The following OSBPL10 variants were observed in gnomAD, a reference collection of about 807,000 sequenced individuals.
OSBPL10 encodes oxysterol-binding protein-related protein 10.
A neutral mutation model predicts 81.7 loss-of-function variants in OSBPL10; 49 were observed. The ratio of observed to expected loss-of-function variants is 0.60; its 90% CI spans 0.48 to 0.76. The LOEUF is 0.76. OSBPL10 is among the 30% of genes least tolerant of loss of function. The pLI is 0.00. For synonymous variants in OSBPL10, 419 were observed against 383.6 expected (o/e 1.09, Z -1.08); for missense variants, 923 against 987.8 (o/e 0.93, Z 0.88).
At chr3:31,816,406 T>C (rs984169455) in intron 4 of OSBPL10, among the ~76,000 whole-genome samples, 1 of 152,210 alleles carries the variant, frequency 6.6e-6, no homozygotes, top group African/African-American at 2.4e-5. Context: ...TGACAGGTGA[T>C]AGTCAGGCTC....
intron 4 of OSBPL10, among the ~76,000 whole-genome samples, chr3:31,770,361 T>A (rs1214615945): frequency 6.6e-6 from 1 of 152,190 alleles, no homozygotes; most frequent in African/African-American, 2.4e-5. Context: ...ATAGCCCATT[T>A]CTTAAGCATT....
At chr3:31,737,456 C>T (rs1559441232) in intron 5 of OSBPL10, among the ~76,000 whole-genome samples, 1 of 151,942 alleles carries the variant, frequency 6.6e-6, no homozygotes, top group Non-Finnish European at 1.5e-5. Flanking sequence ...GACAAAGCAC[C>T]CTCTATGAAA....
intron 2 of OSBPL10, among the ~76,000 whole-genome samples, chr3:31,877,203 C>T (rs970726575): frequency 6.6e-6 from 1 of 152,196 alleles, no homozygotes; most frequent in Non-Finnish European, 1.5e-5. Context: ...TGCACCCGGC[C>T]TCAAAGGGCA....
At chr3:31,912,131 C>T (rs1575611694) in intron 1 of OSBPL10, among the ~76,000 whole-genome samples, 1 of 151,698 alleles carries the variant, frequency 6.6e-6, no homozygotes, top group African/African-American at 2.4e-5. Flanking sequence ...CGCAGTGGCT[C>T]ACGCCTGTAA....
At chr3:32,012,922 G>C (rs1416672074) in intron 2 of OSBPL10, among the ~76,000 whole-genome samples, 3 of 151,490 alleles carry the variant, frequency 2.0e-5, no homozygotes, top group African/African-American at 7.3e-5. Flanking sequence ...ACCCAATACA[G>C]GAGCACCCAG....
At chr3:31,765,238 A>G (rs1322384387) in intron 4 of OSBPL10, among the ~76,000 whole-genome samples, 2 of 151,312 alleles carry the variant, frequency 1.3e-5, no homozygotes, top group African/African-American at 2.4e-5. Flanking sequence ...TGATTTCACC[A>G]CGTTATCCAG....
intron 7 of OSBPL10, among the ~76,000 whole-genome samples, chr3:31,696,146 C>G (rs1695714709): frequency 6.6e-6 from 1 of 152,078 alleles, no homozygotes. Context: ...GTCTGCACCC[C>G]TCTCTCTGCC....
chr3:31,813,835 C>T (rs554745713), intron 4 of OSBPL10, among the ~76,000 whole-genome samples: 2 of 152,262 alleles, frequency 1.3e-5, no homozygotes, highest in East Asian at 1.9e-4. Context: ...ATTTACTTCA[C>T]GGGGCAGATT....
chr3:31,912,642 C>G (rs1054835000), intron 1 of OSBPL10, among the ~76,000 whole-genome samples: 2 of 152,278 alleles, frequency 1.3e-5, no homozygotes, highest in African/African-American at 4.8e-5. Context: ...GCATGTCTCT[C>G]CTTTGATGCT....
intron 2 of OSBPL10, among the ~76,000 whole-genome samples, chr3:32,007,981 A>G (rs534019708): frequency 2.5e-4 from 38 of 152,224 alleles, no homozygotes; most frequent in African/African-American, 9.1e-4. Context: ...CTGGGATTAC[A>G]GGCATGAGCC....
chr3:31,781,124 T>C (rs1698686059), intron 4 of OSBPL10, among the ~76,000 whole-genome samples: 1 of 152,202 alleles, frequency 6.6e-6, no homozygotes, highest in Non-Finnish European at 1.5e-5. Context: ...AATGATCAAC[T>C]GGGTTTCATA....
intron 1 of OSBPL10, among the ~76,000 whole-genome samples, chr3:31,946,679 G>A (rs995328831): frequency 2.0e-5 from 3 of 152,184 alleles, no homozygotes; most frequent in Non-Finnish European, 4.4e-5. Context: ...GCATCTGCCC[G>A]GCTAAGGAGA....
chr3:31,897,098 G>T (rs1454787063), intron 1 of OSBPL10, among the ~76,000 whole-genome samples: 2 of 152,180 alleles, frequency 1.3e-5, no homozygotes, highest in East Asian at 3.8e-4. Context: ...AGAATGGAAT[G>T]ACTTAGACAG....
At chr3:31,832,563 C>G (rs1700270708) in intron 3 of OSBPL10, among the ~76,000 whole-genome samples, 1 of 152,116 alleles carries the variant, frequency 6.6e-6, no homozygotes, top group South Asian at 2.1e-4. Context: ...ATGTATGAGA[C>G]AGTTTTTCAC....
At chr3:31,685,725 G>A (rs1700776595) in intron 7 of OSBPL10, among the ~76,000 whole-genome samples, 2 of 152,166 alleles carry the variant, frequency 1.3e-5, no homozygotes, top group Admixed American at 6.5e-5. Context: ...GAAAACATTT[G>A]GGAGGGTGTA....
At chr3:32,038,857 G>A (rs955666186) in intron 2 of OSBPL10, among the ~76,000 whole-genome samples, 11 of 152,044 alleles carry the variant, frequency 7.2e-5, no homozygotes, top group African/African-American at 1.2e-4. Context: ...AAGCAGTTCC[G>A]AAAAGCAAAT....
chr3:32,076,236 C>T (rs1051254998), intron 1 of OSBPL10, among the ~76,000 whole-genome samples: 2 of 151,978 alleles, frequency 1.3e-5, no homozygotes, highest in Admixed American at 6.6e-5. Context: ...GGCAAGGTGG[C>T]GAGCACCTGT....
At chr3:31,738,699 G>T (rs932983183) in intron 5 of OSBPL10, among the ~76,000 whole-genome samples, 1 of 152,120 alleles carries the variant, frequency 6.6e-6, no homozygotes, top group South Asian at 2.1e-4. Context: ...AAGGCATTAA[G>T]AACTAGTAAG....
Position 31,670,937 on chromosome 3 carries a change from C to T in OSBPL10, c.1773G>A (p.Leu591=), listed in dbSNP as rs1700307798. 4.3e-6 allele frequency: 7 copies of T among 1,614,060 alleles called. No individual in the cohort carries two copies. The highest frequency in any genetic ancestry group is 5.1e-6 in the Non-Finnish European group (6 of 1,179,960). The change falls in exon 9 of 12, where the codon CTG becomes CTA. Residue 591 remains leucine (L), a synonymous_variant. Coordinates refer to ENST00000396556, the MANE Select transcript of OSBPL10 (RefSeq NM_017784.5). ...GAATGGACCGGGCGTAGGCACTAGG[C>T]AGGGTGAATACGTACTCCTCCCCGT... The part of the protein sequence containing the change: ...LEHGEEYVFT[L]PSAYARSILT...
Sources: gnomAD v4.1 joint callset for allele counts (sites outside exome capture counted in the v4.1 genomes callset) on GRCh38, gnomAD v4.1.1 for gene constraint, MANE v1.5 for transcripts, NCBI Gene and HGNC (gene_info 2026-07-23, HGNC 2026-07-21) for gene names.